EYA3: variants seen among roughly 807,000 people sequenced by gnomAD.
The protein encoded by EYA3 is EYA transcriptional coactivator and phosphatase 3, also known as protein phosphatase EYA3.
EYA3 carries 39 observed loss-of-function variants against 80.0 expected under a neutral mutation model. The observed-to-expected ratio is 0.49, with a 90% CI of 0.38 to 0.64. EYA3 has a LOEUF of 0.64. Ranked by LOEUF, EYA3 falls within the 30% of genes least tolerant of loss-of-function variation. The pLI, the probability that EYA3 is intolerant of heterozygous loss-of-function variation, is 0.00. For synonymous variants in EYA3, 206 were observed against 232.8 expected (o/e 0.88, Z 1.05); for missense variants, 523 against 676.1 (o/e 0.77, Z 2.51).
chr1:28,040,569 C>T (rs1643717475), intron 4 of EYA3, among the ~76,000 whole-genome samples: 1 of 152,046 alleles, frequency 6.6e-6, no homozygotes, highest in South Asian at 2.1e-4. Flanking sequence ...AGCCCTGAGG[C>T]CCACCAAAGA....
At chr1:28,015,673 G>A (rs1396047180) in intron 8 of EYA3, among the ~76,000 whole-genome samples, 1 of 152,130 alleles carries the variant, frequency 6.6e-6, no homozygotes, top group African/African-American at 2.4e-5. Flanking sequence ...AATAAAATGA[G>A]CAATTAACTA....
chr1:27,993,266 T>C, intron 14 of EYA3, 134 bp downstream of exon 14: 1 of 941,112 alleles, frequency 1.1e-6, no homozygotes, highest in East Asian at 2.9e-5. Flanking sequence ...TCTATTTTTT[T>C]AAATACAGAG....
intron 9 of EYA3, among the ~76,000 whole-genome samples, chr1:28,011,381 G>A (rs563137471): frequency 6.6e-6 from 1 of 152,286 alleles, no homozygotes; most frequent in Non-Finnish European, 1.5e-5. Flanking sequence ...GGTCAAACTT[G>A]TAGATTAGAG....
rs1246487666 is a variant in EYA3, at chr1:27,974,325, G to GAGAGAGAA, written c.*133_*140dup. 3.7e-4 allele frequency: 192 copies of GAGAGAGAA among 521,994 alleles called. No individual in the cohort carries two copies. Among genetic ancestry groups the GAGAGAGAA allele is most frequent in the African/African-American group, 3.4e-3 (180 of 52,446 alleles). The allele number at this position is 521,994 out of a possible 1,614,324, so 32.3% of individuals were successfully genotyped here. A position where few individuals can be genotyped will look rare whatever the true frequency, so the allele number is the denominator to read the frequency against. ...AGGAAGGGAGGGAGGGAGAGAGGGAGAGAGAGAAAGAGAGAAAGAGAGAGA... is the reference window on the plus strand; with the variant it reads ...AGGAAGGGAGGGAGGGAGAGAGGGAGAGAGAGAAAGAGAGAAAGAGAGAAAGAGAGAGA... On this transcript the variant is annotated 3_prime_UTR_variant, in exon 18 of 18. Transcript: ENST00000373871.
At chr1:28,001,512 G>C (rs1339717612) in intron 11 of EYA3, among the ~76,000 whole-genome samples, 1 of 144,138 alleles carries the variant, frequency 6.9e-6, no homozygotes, top group Non-Finnish European at 1.5e-5. Context: ...ACTTTGGGAG[G>C]CCAAGGCAGG....
At chr1:28,038,947 T>C in intron 4 of EYA3, 42 bp from the exon 5 acceptor site, 1 of 1,391,736 alleles carries the variant, frequency 7.2e-7, no homozygotes, top group Non-Finnish European at 1.0e-6. Context: ...AGTTAGAACA[T>C]TTCGAAAATG....
rs1314951072 is a variant in EYA3 at position 28,010,968 on chromosome 1, A to G, written c.888T>C (p.Ser296=). The G allele has an allele frequency of 3.1e-6, 5 of 1,613,936 alleles. No homozygotes were observed. The African/African-American group carries it at 6.7e-5, about 22-fold the overall frequency. The part of the protein sequence containing the change: ...NRGKRKADAT[S]SQDSELERVF... ...ATACTTCTAATTCACTGTCTTGGGA[A>G]GAAGTGGCATCAGCTTTCCTCTTGC... The change falls in exon 10 of 18, where the codon TCT becomes TCC. Residue 296 remains serine, a synonymous_variant. Transcript: ENST00000373871.
chr1:28,073,021 T>A (rs187146732), intron 1 of EYA3, among the ~76,000 whole-genome samples: 3 of 145,372 alleles, frequency 2.1e-5, no homozygotes, highest in African/African-American at 7.7e-5. Flanking sequence ...GAAAACAGAT[T>A]AGTGGTTGCC....
chr1:27,986,376 A>G (rs1366975768), intron 16 of EYA3, among the ~76,000 whole-genome samples: 2 of 151,486 alleles, frequency 1.3e-5, no homozygotes, highest in Non-Finnish European at 2.9e-5. Flanking sequence ...AAAAAAAAGT[A>G]GCATAAAATT....
Position 28,064,015 on chromosome 1 carries a change from TAAG to T in EYA3, c.-68-5924_-68-5922del, listed in dbSNP as rs997054143. ...GATTTTAGCAGCAAATTCATAAATA[TAAG>T]AAGTACTTTCACTCATTCAATGTTA... On this transcript the variant is annotated intron_variant, in intron 1 of 17. Transcript: ENST00000373871. Among the ~76,000 whole-genome samples the T allele has an allele frequency of 9.2e-5, 14 of 152,228 alleles. No homozygotes were observed. In the East Asian group the frequency reaches 1.9e-3, roughly 21 times the overall value.
intron 1 of EYA3, among the ~76,000 whole-genome samples, chr1:28,073,550 T>C (rs1397723938): frequency 6.6e-6 from 1 of 152,106 alleles, no homozygotes; most frequent in South Asian, 2.1e-4. Flanking sequence ...TCCAACTGTC[T>C]CACCCCCACA....
chr1:28,077,142 C>A (rs1645249779), intron 1 of EYA3, among the ~76,000 whole-genome samples: 1 of 128,424 alleles, frequency 7.8e-6, no homozygotes, highest in African/African-American at 3.0e-5. Context: ...CTTATTCTGT[C>A]ACCCAGGCTG....
intron 16 of EYA3, 32 bp from the exon 17 acceptor site, chr1:27,978,506 ACTCTT>A (rs763961181): frequency 7.7e-6 from 12 of 1,567,756 alleles, no homozygotes; most frequent in South Asian, 3.3e-5. Flanking sequence ...CTGTTAGAAT[ACTCTT>A]CTCTTCTTTT....
At chr1:28,004,717 T>C (rs1317971492) in intron 10 of EYA3, among the ~76,000 whole-genome samples, 1 of 151,882 alleles carries the variant, frequency 6.6e-6, no homozygotes. Context: ...ATATGTATTT[T>C]ATACATACAT....
At chr1:27,987,292 T>C (rs1639722654) in intron 16 of EYA3, among the ~76,000 whole-genome samples, 1 of 152,230 alleles carries the variant, frequency 6.6e-6, no homozygotes, top group Non-Finnish European at 1.5e-5. Context: ...GTGACAGAAT[T>C]TCCTTCCTTT....
intron 11 of EYA3, among the ~76,000 whole-genome samples, chr1:28,002,887 G>A (rs1321962435): frequency 1.3e-5 from 2 of 151,764 alleles, no homozygotes; most frequent in Non-Finnish European, 2.9e-5. Flanking sequence ...TTGGAAGACC[G>A]AGGCAGGCGG....
chr1:28,017,918 A>C (rs1027179124), intron 7 of EYA3, among the ~76,000 whole-genome samples: 1 of 152,184 alleles, frequency 6.6e-6, no homozygotes, highest in Admixed American at 6.6e-5. Flanking sequence ...ATTTGAGGCC[A>C]GGTGTGGTGG....
chr1:28,087,933 G>T (rs1223957096), intron 1 of EYA3, among the ~76,000 whole-genome samples: 4 of 152,188 alleles, frequency 2.6e-5, no homozygotes, highest in Non-Finnish European at 5.9e-5. Context: ...CTTCCCCCAG[G>T]CTGGGGAAGT....
intron 1 of EYA3, among the ~76,000 whole-genome samples, chr1:28,062,279 A>G (rs1644658264): frequency 6.6e-6 from 1 of 152,212 alleles, no homozygotes; most frequent in African/African-American, 2.4e-5. Flanking sequence ...TGAGAATAGA[A>G]ATAGTATTTC....
Sources: allele counts gnomAD v4.1 joint callset (sites outside exome capture counted in the v4.1 genomes callset), GRCh38; gene constraint gnomAD v4.1.1; transcripts MANE v1.5; gene names NCBI Gene and HGNC (gene_info 2026-07-23, HGNC 2026-07-21).